The following SAV1 variants were observed in gnomAD, a reference collection of about 807,000 sequenced individuals.
SAV1 encodes the protein protein salvador homolog 1.
A neutral mutation model predicts 47.3 loss-of-function variants in SAV1; 23 were observed. The observed-to-expected ratio is 0.49, with a 90% CI of 0.35 to 0.69. The LOEUF is 0.69. SAV1 is among the 30% of genes least tolerant of loss of function. The pLI is 0.01. For missense variants in SAV1, 448 were observed against 457.4 expected, an observed-to-expected ratio of 0.98 and a Z score of 0.19; for synonymous variants, 155 against 159.2, an observed-to-expected ratio of 0.97 and a Z score of 0.20.
Position 50,644,764 on chromosome 14 carries a change from G to A in SAV1, c.786C>T (p.Tyr262=), listed in dbSNP as rs570080957. ...YVDHTNKKAQ[Y]RHPCAPSVPR... ...TGTACCTAGGAGCACAGGGATGCCT[G>A]TATTGGGCCTTCTTATTTGTGTGAT... Residue 262 remains tyrosine (Y), a synonymous_variant, in exon 3 of 5, where the codon TAC becomes TAT. Coordinates refer to ENST00000324679, the MANE Select transcript of SAV1 (RefSeq NM_021818.4). 1.9e-6 allele frequency: 3 copies of A among 1,614,092 alleles called. No individual in the cohort carries two copies. The African/African-American group carries it at 4.0e-5, about 22-fold the overall frequency.
chr14:50,664,326 A>C (rs1289851586), intron 2 of SAV1: 2 of 152,212 alleles, frequency 1.3e-5, no homozygotes, highest in African/African-American at 4.8e-5. Context: ...AAGTCGCCTT[A>C]TTTGAAGTTA....
chr14:50,640,832 G>T lies in SAV1; in HGVS notation c.868C>A (p.Gln290Lys). The change falls in exon 4 of 5, where the codon CAG (glutamine) becomes AAG (lysine). Residue 290 changes from glutamine to lysine, a missense_variant. Physicochemically the swap from Gln to Lys is moderately conservative, Grantham distance 53. Coordinates refer to ENST00000324679, the MANE Select transcript of SAV1 (RefSeq NM_021818.4). The part of the protein sequence containing the change: ...TYQPQQTERN[Q>K]SLLVPANPYH... The stretch of plus-strand genomic sequence containing the variant: ...GGATTTGCAGGTACCAGAAGGGACT[G>T]ATTTCTTTCAGTTTGCTGTGGCTGG... 6.2e-7 allele frequency: 1 copy of T among 1,613,866 alleles called. No homozygotes were observed. The highest frequency in any genetic ancestry group is 1.1e-5 in the South Asian group (1 of 91,020).
chr14:50,648,860 T>C (rs906535925), intron 2 of SAV1, among the ~76,000 whole-genome samples: 1 of 152,180 alleles, frequency 6.6e-6, no homozygotes, highest in African/African-American at 2.4e-5. Context: ...ATTTATTTGG[T>C]TCACCACAGG....
Position 50,668,296 on chromosome 14 carries a change from C to A in SAV1, c.-329G>T, listed in dbSNP as rs2039924154. 5.9e-6 allele frequency: 1 copy of A among 168,490 alleles called. No individual in the cohort carries two copies. Among genetic ancestry groups the A allele is most frequent in the Non-Finnish European group, 1.3e-5 (1 of 79,142 alleles). 10.4% of individuals were successfully genotyped at this position (168,490 alleles called of 1,614,324 possible). A position where few individuals can be genotyped will look rare whatever the true frequency, so the allele number is the denominator to read the frequency against. ...TGGTCCGCCGCGGGCCGCCGAATAA[C>A]CGCTACCACTACCGCCGCCGCCGCC... On this transcript the variant is annotated 5_prime_UTR_variant, in exon 1 of 5. Transcript: ENST00000324679.
intron 2 of SAV1, among the ~76,000 whole-genome samples, chr14:50,659,068 AAAGAATT>A (rs1181888507): frequency 7.8e-6 from 1 of 127,682 alleles, no homozygotes; most frequent in Non-Finnish European, 1.6e-5. Context: ...CAACTGCTGT[AAAGAATT>A]TTTTTTTTTT....
intron 2 of SAV1, among the ~76,000 whole-genome samples, chr14:50,652,086 A>G: frequency 6.6e-6 from 1 of 152,252 alleles, no homozygotes; most frequent in East Asian, 1.9e-4. Context: ...ATAGTTACAT[A>G]ATTGTCAACA....
chr14:50,660,952 C>A (rs901659078), intron 2 of SAV1, among the ~76,000 whole-genome samples: 13 of 152,182 alleles, frequency 8.5e-5, no homozygotes, highest in Non-Finnish European at 1.8e-4. Flanking sequence ...ATACTGATTT[C>A]TTTTCCTTTA....
intron 2 of SAV1, among the ~76,000 whole-genome samples, chr14:50,662,067 AATG>A (rs2039864576): frequency 6.6e-6 from 1 of 152,204 alleles, no homozygotes; most frequent in South Asian, 2.1e-4. Context: ...TGGTCATTTT[AATG>A]ATGTTAATTC....
Position 50,667,958 on chromosome 14 carries a change from G to T in SAV1, c.10C>A (p.Arg4=). The T allele has an allele frequency of 6.2e-7, 1 of 1,610,908 alleles. No homozygotes were observed. The highest frequency in any genetic ancestry group is 8.5e-7 in the Non-Finnish European group (1 of 1,179,062). ...GACACTTCGTTTTTGGTTTTCTTTC[G>T]GGACAGCATCCTTCTCGACGAGGCC... MLS[R]KKTKNEVSKP... Residue 4 remains arginine, a synonymous_variant, in exon 1 of 5, where the codon CGA becomes AGA. Coordinates refer to ENST00000324679, the MANE Select transcript of SAV1 (RefSeq NM_021818.4).
chr14:50,667,383 T>C (rs776180677), intron 1 of SAV1: 8 of 455,692 alleles, frequency 1.8e-5, no homozygotes, highest in Non-Finnish European at 3.5e-5. Flanking sequence ...GCTTTTCACC[T>C]TCTCAAGTCT....
At chr14:50,660,570 G>A (rs1187856133) in intron 2 of SAV1, among the ~76,000 whole-genome samples, 1 of 152,142 alleles carries the variant, frequency 6.6e-6, no homozygotes, top group East Asian at 1.9e-4. Context: ...AATCAAGTCA[G>A]GGTATTTAGG....
chr14:50,639,326 A>C (rs1595634469), intron 4 of SAV1, among the ~76,000 whole-genome samples: 1 of 150,540 alleles, frequency 6.6e-6, no homozygotes, highest in South Asian at 2.1e-4. Context: ...GAAACATGCA[A>C]ATTTTTTTTG....
At chr14:50,635,767 T>G (rs1416606295) in intron 4 of SAV1, among the ~76,000 whole-genome samples, 14 of 152,236 alleles carry the variant, frequency 9.2e-5, no homozygotes, top group Non-Finnish European at 1.5e-4. Context: ...TGGAGTGCAG[T>G]GGCGTGATCT....
intron 3 of SAV1, among the ~76,000 whole-genome samples, chr14:50,644,360 A>G (rs907016250): frequency 1.2e-4 from 19 of 152,352 alleles, no homozygotes; most frequent in African/African-American, 4.1e-4. Flanking sequence ...ATAAACAGCA[A>G]AATGTTATAA....
chr14:50,664,901 C>T (rs550401391), intron 2 of SAV1: 1 of 231,758 alleles, frequency 4.3e-6, no homozygotes, highest in East Asian at 1.0e-4. Context: ...ATTAAATTCT[C>T]TAGGTTTTCA....
intron 2 of SAV1, among the ~76,000 whole-genome samples, chr14:50,651,622 C>T (rs182252719): frequency 1.3e-5 from 2 of 152,178 alleles, no homozygotes; most frequent in African/African-American, 2.4e-5. Flanking sequence ...TTATGTATTA[C>T]TTATTTATTG....
chr14:50,646,547 G>A (rs899240919), intron 2 of SAV1, among the ~76,000 whole-genome samples: 8 of 152,056 alleles, frequency 5.3e-5, no homozygotes, highest in Non-Finnish European at 1.2e-4. Flanking sequence ...TTAGCCGGGC[G>A]TGGTGGCGGA....
intron 2 of SAV1, among the ~76,000 whole-genome samples, chr14:50,649,336 G>A (rs1428521938): frequency 1.2e-4 from 19 of 152,164 alleles, no homozygotes; most frequent in Non-Finnish European, 1.5e-5. Context: ...AAGATTCTTA[G>A]GACAGGAATC....
intron 2 of SAV1, among the ~76,000 whole-genome samples, chr14:50,649,616 T>C (rs1348990848): frequency 6.6e-6 from 1 of 152,212 alleles, no homozygotes; most frequent in Non-Finnish European, 1.5e-5. Context: ...AGGCAGCAAA[T>C]ACAGATGTAT....
Sources: gnomAD v4.1 joint callset for allele counts (sites outside exome capture counted in the v4.1 genomes callset) on GRCh38, gnomAD v4.1.1 for gene constraint, MANE v1.5 for transcripts, NCBI Gene and HGNC (gene_info 2026-07-23, HGNC 2026-07-21) for gene names.